Variants in RIC1 observed in about 807,000 individuals in gnomAD.
RIC1 encodes guanine nucleotide exchange factor subunit RIC1.
Under a neutral mutation model 169.0 loss-of-function variants are expected in RIC1, and 88 were observed. The observed-to-expected ratio is 0.52, with a 90% CI of 0.44 to 0.62. RIC1 has a LOEUF of 0.62. Among genes scored for constraint, RIC1 ranks in the 20% least tolerant of loss-of-function variants. The pLI is 0.00. For missense variants in RIC1, 1,877 were observed against 1,725.5 expected (o/e 1.09, Z -1.56); for synonymous variants, 790 against 601.5 (o/e 1.31, Z -4.59).
intron 3 of RIC1, among the ~76,000 whole-genome samples, chr9:5,711,408 C>G (rs1019983451): frequency 6.6e-6 from 1 of 152,056 alleles, no homozygotes; most frequent in Admixed American, 6.6e-5. Flanking sequence ...GAAACCAAAC[C>G]ACAATATTAT....
rs1016820455 is a variant in RIC1, at chr9:5,660,442, T to C, written c.252+3752T>C. Among the ~76,000 whole-genome samples the C allele has an allele frequency of 2.6e-5, 4 of 152,322 alleles. No homozygotes were observed. The South Asian group carries it at 8.3e-4, about 32-fold the overall frequency. ...AGGAATTGCCTACTGTCTTCCATAA[T>C]GGTTGAACTAATTTCCACTCCTACC... On this transcript the variant is annotated intron_variant, in intron 2 of 25. Transcript: ENST00000414202.
chr9:5,778,238 A>G (rs540366176), downstream of RIC1, among the ~76,000 whole-genome samples: 16 of 152,342 alleles, frequency 1.1e-4, no homozygotes, highest in African/African-American at 3.6e-4. Context: ...ATATAAATAC[A>G]ATTGCTTCTG....
chr9:5,756,407 T>C (rs779946292), intron 16 of RIC1, 35 bp downstream of exon 16: 1 of 1,322,418 alleles, frequency 7.6e-7, no homozygotes, highest in South Asian at 2.3e-5. Context: ...CACTTTTTGC[T>C]CCTATTTACC....
At chr9:5,655,485 G>T (rs1041286539) in intron 1 of RIC1, among the ~76,000 whole-genome samples, 7 of 152,056 alleles carry the variant, frequency 4.6e-5, no homozygotes, top group African/African-American at 1.7e-4. Flanking sequence ...ATTTTTAGTA[G>T]AGATGGGGTT....
intron 1 of RIC1, among the ~76,000 whole-genome samples, chr9:5,647,985 GGTGGTGGTA>G (rs1563867096): frequency 1.9e-3 from 228 of 120,998 alleles, no homozygotes; most frequent in African/African-American, 8.9e-3. Flanking sequence ...TGGTGGTGGT[GGTGGTGGTA>G]GTGGTAGTGG....
At chr9:5,684,180 A>C in intron 2 of RIC1, among the ~76,000 whole-genome samples, 1 of 145,406 alleles carries the variant, frequency 6.9e-6, no homozygotes, top group Non-Finnish European at 1.5e-5. Flanking sequence ...TGAACCCGGC[A>C]TCTCAGTTGT....
chr9:5,740,148 C>T (rs950531211), intron 8 of RIC1, among the ~76,000 whole-genome samples: 6 of 152,184 alleles, frequency 3.9e-5, no homozygotes, highest in South Asian at 4.1e-4. Context: ...TTCCTTGATT[C>T]TCCACATATG....
rs144343208 is a variant in RIC1 at position 5,773,036 on chromosome 9, A to G, written c.3939A>G (p.Ile1313Met). ...SEVDGEMLQN[I>M]KTGLHAVDRW... ...TAGATGGAGAGATGTTACAGAACATAAAGACAGGGCTCCATGCAGTGGACC... is the reference window on the plus strand; with the variant it reads ...TAGATGGAGAGATGTTACAGAACATGAAGACAGGGCTCCATGCAGTGGACC... Residue 1313 changes from isoleucine to methionine, a missense_variant, in exon 25 of 26, where the codon ATA becomes ATG. Around this residue, in one of 3 missense-constraint regions of RIC1, gnomAD observed 681 missense variants for 582.0 expected, o/e 1.17. Coordinates refer to ENST00000414202, the MANE Select transcript of RIC1 (RefSeq NM_020829.4). The G allele has an allele frequency of 1.7e-4, 271 of 1,613,642 alleles. No homozygotes were observed. The highest frequency in any genetic ancestry group is 2.1e-4 in the Non-Finnish European group (253 of 1,179,748).
intron 2 of RIC1, among the ~76,000 whole-genome samples, chr9:5,666,554 A>G (rs983674556): frequency 6.6e-6 from 1 of 151,852 alleles, no homozygotes; most frequent in African/African-American, 2.4e-5. Context: ...TGTTGAGGTT[A>G]TTTACTTCTG....
In RIC1 at chr9:5,679,748, G is replaced by T. The variant is rs575492323; in HGVS notation, c.253-10211G>T. Reference sequence around the variant, plus strand: ...GCTTAAGGAGATTTTGGGCTGATACGATGGGGTTTTCTAGATATACAATCA... The same window carrying T: ...GCTTAAGGAGATTTTGGGCTGATACTATGGGGTTTTCTAGATATACAATCA... On this transcript the variant is annotated intron_variant, in intron 2 of 25. Coordinates refer to ENST00000414202, the MANE Select transcript of RIC1 (RefSeq NM_020829.4). Among the ~76,000 whole-genome samples, 6 of 152,302 alleles carry T rather than the reference G, an allele frequency of 3.9e-5. No homozygotes were observed. The South Asian group carries it at 1.2e-3, about 32-fold the overall frequency.
intron 1 of RIC1, among the ~76,000 whole-genome samples, chr9:5,644,048 T>C (rs1818382530): frequency 6.6e-6 from 1 of 150,488 alleles, no homozygotes; most frequent in African/African-American, 2.4e-5. Context: ...TTATTGTAGA[T>C]AATACTGTAG....
At chr9:5,672,595 T>C (rs1820174098) in intron 2 of RIC1, among the ~76,000 whole-genome samples, 1 of 151,976 alleles carries the variant, frequency 6.6e-6, no homozygotes, top group Non-Finnish European at 1.5e-5. Context: ...ATTCAAGAGG[T>C]TTGGGAATGA....
intron 2 of RIC1, among the ~76,000 whole-genome samples, chr9:5,663,338 A>G (rs1176100331): frequency 2.0e-5 from 3 of 152,154 alleles, no homozygotes; most frequent in Non-Finnish European, 4.4e-5. Flanking sequence ...GATATCTGTC[A>G]GGTCCACTTG....
chr9:5,676,701 G>C (rs1016722924), intron 2 of RIC1, among the ~76,000 whole-genome samples: 2 of 152,156 alleles, frequency 1.3e-5, no homozygotes, highest in African/African-American at 4.8e-5. Context: ...TTGCTCTACT[G>C]TTTTAAGAAT....
At chr9:5,749,897 G>A (rs1480814719) in intron 12 of RIC1, among the ~76,000 whole-genome samples, 1 of 146,510 alleles carries the variant, frequency 6.8e-6, no homozygotes, top group African/African-American at 2.5e-5. Context: ...TGCTGTCTCA[G>A]CCTCCCAAGT....
At chr9:5,764,014 C>A in intron 19 of RIC1, 146 bp downstream of exon 19, 1 of 921,764 alleles carries the variant, frequency 1.1e-6, no homozygotes, top group Non-Finnish European at 1.6e-6. Context: ...AGAATTCAGA[C>A]AGATTCCTTT....
Position 5,675,977 on chromosome 9 carries a change from C to G in RIC1, c.253-13982C>G, listed in dbSNP as rs185389497. Among the ~76,000 whole-genome samples, 21 of 152,304 alleles carry G rather than the reference C, an allele frequency of 1.4e-4. 1 individual carries two copies. The East Asian group carries it at 3.9e-3, about 28-fold the overall frequency. ...GAAATCTAATCTAACCCCCATCTTG[C>G]CTTTAACCTCCCAACTGCCCTTGGT... is the stretch of plus-strand genomic sequence containing the variant. On this transcript the variant is annotated intron_variant, in intron 2 of 25. Coordinates refer to ENST00000414202, the MANE Select transcript of RIC1 (RefSeq NM_020829.4).
At chr9:5,641,765 A>C (rs1818263095) in intron 1 of RIC1, among the ~76,000 whole-genome samples, 1 of 143,232 alleles carries the variant, frequency 7.0e-6, no homozygotes, top group Non-Finnish European at 1.5e-5. Flanking sequence ...TTGCTGCTTG[A>C]TTTTTAAAAA....
chr9:5,662,005 T>C (rs927929006), intron 2 of RIC1, among the ~76,000 whole-genome samples: 1 of 152,180 alleles, frequency 6.6e-6, no homozygotes, highest in African/African-American at 2.4e-5. Context: ...AGTATGTTCC[T>C]TCAATATCTG....
Sources: gnomAD v4.1 joint callset for allele counts (sites outside exome capture counted in the v4.1 genomes callset) on GRCh38, gnomAD v4.1.1 for gene constraint, gnomAD v4.1.1 regional missense constraint, MANE v1.5 for transcripts, NCBI Gene and HGNC (gene_info 2026-07-23, HGNC 2026-07-21) for gene names.